Variants in UCK2 observed in about 807,000 individuals in gnomAD.
UCK2 encodes the protein cytidine monophosphokinase 2.
A neutral mutation model predicts 30.8 loss-of-function variants in UCK2; 6 were observed. The observed-to-expected ratio is 0.19, with a 90% CI of 0.11 to 0.38. The LOEUF is 0.38. Ranked by LOEUF, UCK2 falls within the 10% of genes least tolerant of loss-of-function variation. The probability of loss-of-function intolerance (pLI) is 1.00; values close to 1 mark genes in which losing one functional copy is unlikely to be tolerated. For synonymous variants in UCK2, 125 were observed against 133.6 expected (o/e 0.94, Z 0.45); for missense variants, 210 against 339.8 (o/e 0.62, Z 3.00).
intron 5 of UCK2, 37 bp downstream of exon 5, chr1:165,903,316 GAATTTAA>G (rs768791353): frequency 6.3e-7 from 1 of 1,589,090 alleles, no homozygotes; most frequent in East Asian, 2.2e-5. Flanking sequence ...GTTGAATGTA[GAATTTAA>G]AATTTGATGA....
At chr1:165,903,300 GT>G (rs1178391847) in intron 5 of UCK2, 21 bp downstream of exon 5, 1 of 1,605,688 alleles carries the variant, frequency 6.2e-7, no homozygotes, top group Non-Finnish European at 8.5e-7. Flanking sequence ...TTCTTGGTTT[GT>G]TTTTGTTGAA....
At chr1:165,847,465 A>G (rs1042261315) in intron 1 of UCK2, among the ~76,000 whole-genome samples, 1 of 152,204 alleles carries the variant, frequency 6.6e-6, no homozygotes, top group Non-Finnish European at 1.5e-5. Flanking sequence ...TTTTTAAGAA[A>G]CAACCACTTT....
chr1:165,894,766 G>A (rs1655850228), intron 3 of UCK2, among the ~76,000 whole-genome samples: 1 of 152,044 alleles, frequency 6.6e-6, no homozygotes. Flanking sequence ...AAGCTGAGAA[G>A]GCATCAGGAA....
At chr1:165,844,346 G>A (rs1293143968) in intron 1 of UCK2, among the ~76,000 whole-genome samples, 1 of 152,204 alleles carries the variant, frequency 6.6e-6, no homozygotes, top group East Asian at 1.9e-4. Flanking sequence ...AGCACCTGTG[G>A]TACTGTGATA....
intron 1 of UCK2, among the ~76,000 whole-genome samples, chr1:165,887,783 C>A (rs1055058677): frequency 6.6e-6 from 1 of 152,038 alleles, no homozygotes; most frequent in Non-Finnish European, 1.5e-5. Context: ...CCCCCCCACC[C>A]ATCCATCTGT....
chr1:165,906,331 G>T (rs1357603479), intron 6 of UCK2, among the ~76,000 whole-genome samples: 1 of 152,136 alleles, frequency 6.6e-6, no homozygotes, highest in Non-Finnish European at 1.5e-5. Context: ...TGCCATCACG[G>T]TAGCCCTTTC....
At chr1:165,870,907 G>C (rs6703209) in intron 1 of UCK2, among the ~76,000 whole-genome samples, 11 of 151,970 alleles carry the variant, frequency 7.2e-5, no homozygotes, top group Non-Finnish European at 1.5e-5. Flanking sequence ...AACCTCCGCC[G>C]TCCAGGTTCA....
intron 1 of UCK2, among the ~76,000 whole-genome samples, chr1:165,857,442 G>A (rs1010048672): frequency 3.3e-5 from 5 of 152,172 alleles, no homozygotes; most frequent in Admixed American, 3.3e-4. Flanking sequence ...TAAGTGGCAT[G>A]ATCTGGAGTG....
intron 1 of UCK2, among the ~76,000 whole-genome samples, chr1:165,858,464 A>G (rs1483811395): frequency 1.3e-5 from 2 of 152,210 alleles, no homozygotes; most frequent in Admixed American, 1.3e-4. Flanking sequence ...ATTTGCTGAC[A>G]GGTGAACAAA....
chr1:165,869,692 G>T (rs1655148620), intron 1 of UCK2, among the ~76,000 whole-genome samples: 1 of 6,600 alleles, frequency 1.5e-4, no homozygotes. Flanking sequence ...TAAAGAGATG[G>T]GGGTCTTGCT....
intron 1 of UCK2, among the ~76,000 whole-genome samples, chr1:165,852,702 C>T (rs1389404440): frequency 6.6e-6 from 1 of 152,216 alleles, no homozygotes; most frequent in Non-Finnish European, 1.5e-5. Context: ...CATCCCTTAA[C>T]CTGCCTCTTA....
intron 1 of UCK2, among the ~76,000 whole-genome samples, chr1:165,828,311 C>T (rs760506504): frequency 5.9e-5 from 9 of 152,200 alleles, no homozygotes; most frequent in Admixed American, 2.6e-4. Context: ...CCCACTAACC[C>T]CCGATGGACT....
chr1:165,898,368 A>G (rs537876555), intron 4 of UCK2, among the ~76,000 whole-genome samples: 3 of 152,358 alleles, frequency 2.0e-5, no homozygotes, highest in South Asian at 4.1e-4. Flanking sequence ...TAGTGCAGGT[A>G]AAATGCCTGG....
At chr1:165,838,035 C>T (rs1654238445) in intron 1 of UCK2, among the ~76,000 whole-genome samples, 1 of 152,204 alleles carries the variant, frequency 6.6e-6, no homozygotes, top group Admixed American at 6.5e-5. Flanking sequence ...CTGTAGTCTT[C>T]AAACATGTTT....
intron 1 of UCK2, among the ~76,000 whole-genome samples, chr1:165,882,526 A>T (rs1262526914): frequency 6.6e-6 from 1 of 152,158 alleles, no homozygotes; most frequent in Non-Finnish European, 1.5e-5. Flanking sequence ...ACAGAAATTT[A>T]TTTCTCACAA....
At chr1:165,863,372 GTTCT>G (rs1654967238) in intron 1 of UCK2, among the ~76,000 whole-genome samples, 1 of 152,274 alleles carries the variant, frequency 6.6e-6, no homozygotes. Context: ...CATTTTTGGT[GTTCT>G]TTTTTACTTC....
At chr1:165,869,987 T>C (rs1655154405) in intron 1 of UCK2, among the ~76,000 whole-genome samples, 1 of 151,598 alleles carries the variant, frequency 6.6e-6, no homozygotes. Context: ...ATCTTACTTA[T>C]TTTTTTCTTT....
At chr1:165,897,714 T>C (rs555245849) in intron 4 of UCK2, among the ~76,000 whole-genome samples, 7 of 152,210 alleles carry the variant, frequency 4.6e-5, no homozygotes, top group Non-Finnish European at 4.4e-5. Flanking sequence ...GTAAGAACTA[T>C]TCATGAGACC....
chr1:165,831,400 A>G (rs1654043549), intron 1 of UCK2, among the ~76,000 whole-genome samples: 1 of 152,204 alleles, frequency 6.6e-6, no homozygotes, highest in South Asian at 2.1e-4. Context: ...AAACCAAACC[A>G]GATTTTCATA....
Sources: allele counts gnomAD v4.1 joint callset (sites outside exome capture counted in the v4.1 genomes callset), GRCh38; gene constraint gnomAD v4.1.1; transcripts MANE v1.5; gene names NCBI Gene and HGNC (gene_info 2026-07-23, HGNC 2026-07-21).